The following PAWR variants were observed in gnomAD, a reference collection of about 807,000 sequenced individuals.
The protein encoded by PAWR is PRKC apoptosis WT1 regulator protein.
Under a neutral mutation model 32.0 loss-of-function variants are expected in PAWR, and 23 were observed. The ratio of observed to expected loss-of-function variants is 0.72; its 90% CI spans 0.52 to 1.02. The LOEUF is 1.02. PAWR is among the 50% of genes least tolerant of loss of function. PAWR has a pLI of 0.00. For synonymous variants in PAWR, 226 were observed against 187.1 expected, an observed-to-expected ratio of 1.21 and a Z score of -1.70; for missense variants, 457 against 437.7, an observed-to-expected ratio of 1.04 and a Z score of -0.39.
intron 2 of PAWR, among the ~76,000 whole-genome samples, chr12:79,625,738 CGA>C (rs962423204): frequency 6.7e-6 from 1 of 150,346 alleles, no homozygotes; most frequent in African/African-American, 2.4e-5. Flanking sequence ...GAGAATGTCG[CGA>C]ACGCGGGAGG....
intron 2 of PAWR, among the ~76,000 whole-genome samples, chr12:79,666,203 T>G (rs1218580730): frequency 2.6e-5 from 4 of 152,188 alleles, no homozygotes; most frequent in Non-Finnish European, 5.9e-5. Flanking sequence ...AAAAGTAGTC[T>G]TCTCATCTCT....
At chr12:79,615,525 C>T (rs912892509) in intron 3 of PAWR, among the ~76,000 whole-genome samples, 3 of 152,124 alleles carry the variant, frequency 2.0e-5, no homozygotes, top group Non-Finnish European at 2.9e-5. Context: ...TTTTAACCAT[C>T]CCTGAGCATC....
At chr12:79,603,653 G>A (rs1412613780) in intron 4 of PAWR, 2 of 150,382 alleles carry the variant, frequency 1.3e-5, no homozygotes, top group Non-Finnish European at 1.5e-5. Context: ...ATACATAAAC[G>A]GCATCATTAT....
intron 2 of PAWR, among the ~76,000 whole-genome samples, chr12:79,626,910 G>A (rs566859317): frequency 2.2e-4 from 33 of 152,230 alleles, no homozygotes; most frequent in African/African-American, 7.5e-4. Context: ...CCCTACAAAG[G>A]ACATGAACTC....
intron 4 of PAWR, among the ~76,000 whole-genome samples, chr12:79,613,171 G>A (rs1874519867): frequency 6.6e-6 from 1 of 152,178 alleles, no homozygotes; most frequent in African/African-American, 2.4e-5. Flanking sequence ...ACCAGAACCT[G>A]ACAATGGTGG....
chr12:79,604,444 C>T, intron 4 of PAWR: 3 of 1,033,440 alleles, frequency 2.9e-6, no homozygotes, highest in Non-Finnish European at 3.5e-6. Context: ...ATGAGATTGG[C>T]AGCATTAAGA....
chr12:79,638,296 T>A (rs763145311), intron 2 of PAWR, among the ~76,000 whole-genome samples: 32 of 152,298 alleles, frequency 2.1e-4, no homozygotes, highest in Middle Eastern at 3.4e-3. Flanking sequence ...ATTGGCTTTA[T>A]ATATTTATGT....
intron 2 of PAWR, among the ~76,000 whole-genome samples, chr12:79,663,867 A>T (rs1877467927): frequency 6.6e-6 from 1 of 152,222 alleles, no homozygotes; most frequent in Non-Finnish European, 1.5e-5. Context: ...ACATGTAGTG[A>T]TTTACTAACA....
chr12:79,626,995 G>C (rs1419689291), intron 2 of PAWR, among the ~76,000 whole-genome samples: 2 of 152,146 alleles, frequency 1.3e-5, no homozygotes, highest in Non-Finnish European at 2.9e-5. Flanking sequence ...ATCGTTGTTG[G>C]ATATTTAGGT....
At chr12:79,666,100 T>G (rs1270646781) in intron 2 of PAWR, among the ~76,000 whole-genome samples, 5 of 152,192 alleles carry the variant, frequency 3.3e-5, no homozygotes, top group East Asian at 1.9e-4. Context: ...AGATACAAAC[T>G]GCATCTTAAT....
Position 79,632,342 on chromosome 12 carries a change from TATATATATATATATATATA to T in PAWR, c.517-11154_517-11136del, listed in dbSNP as rs1566011056. On this transcript the variant is annotated intron_variant, in intron 2 of 6. Coordinates refer to ENST00000328827, the MANE Select transcript of PAWR (RefSeq NM_002583.4). Reference sequence around the variant, plus strand: ...ATATATATATATATATATATATATATATATATATATATATATATATTTTTTTTTTTTTTTAGACAGGGTC... The same window carrying T: ...ATATATATATATATATATATATATATTTTTTTTTTTTTTTTAGACAGGGTC... 6.8e-4 allele frequency among the ~76,000 whole-genome samples: 41 copies of T among 60,708 alleles called. 3 individuals carry two copies. Among genetic ancestry groups the T allele is most frequent in the African/African-American group, 5.9e-3 (30 of 5,058 alleles). The allele number at this position is 60,708 out of a possible 152,430, so 39.8% of individuals were successfully genotyped here.
In PAWR at chr12:79,630,317, T is replaced by A. The variant is rs78698622; in HGVS notation, c.517-9110A>T. On this transcript the variant is annotated intron_variant, in intron 2 of 6. Transcript: ENST00000328827. The stretch of plus-strand genomic sequence containing the variant: ...GTGCCACTAATATATATATATATAT[T>A]TTTTTTGAGACAGTCTCAGTCACCC... Among the ~76,000 whole-genome samples the A allele has an allele frequency of 1.4e-3, 143 of 103,766 alleles. 1 individual carries two copies. The highest frequency in any genetic ancestry group is 0.011 in the African/African-American group (44 of 3,874). The allele number at this position is 103,766 out of a possible 152,430, so 68.1% of individuals were successfully genotyped here.
rs1020970521 is a variant in PAWR, at chr12:79,594,580, A to G, written c.832-147T>C. ...CCCTTAAGACATTTGGTGAAGGAAC[A>G]AAGATCCCACCACAAAAGGAATCAG... On this transcript the variant is annotated intron_variant, in intron 5 of 6. Transcript: ENST00000328827. 8.7e-6 allele frequency: 5 copies of G among 572,440 alleles called. No individual in the cohort carries two copies. The African/African-American group carries it at 9.7e-5, about 11-fold the overall frequency. 35.5% of individuals were successfully genotyped at this position (572,440 alleles called of 1,614,324 possible).
intron 2 of PAWR, among the ~76,000 whole-genome samples, chr12:79,675,261 G>C (rs1202977346): frequency 6.6e-6 from 1 of 152,010 alleles, no homozygotes; most frequent in Non-Finnish European, 1.5e-5. Context: ...ACTTGTGTTC[G>C]CAGCTACTCG....
At chr12:79,606,027 T>C (rs1025852023) in intron 4 of PAWR, among the ~76,000 whole-genome samples, 2 of 151,982 alleles carry the variant, frequency 1.3e-5, no homozygotes, top group Non-Finnish European at 1.5e-5. Context: ...TGAGCCGAGA[T>C]TGCACCACTG....
chr12:79,687,018 A>G (rs1299894940), intron 2 of PAWR, among the ~76,000 whole-genome samples: 1 of 152,234 alleles, frequency 6.6e-6, no homozygotes, highest in Non-Finnish European at 1.5e-5. Context: ...TGATAAACAC[A>G]CACAAAAATT....
chr12:79,639,811 A>ATTCCATTCCTTTTCCTT (rs1555237783), intron 2 of PAWR, among the ~76,000 whole-genome samples: 2 of 133,788 alleles, frequency 1.5e-5, no homozygotes, highest in African/African-American at 7.7e-5. Context: ...TTTCCATTCC[A>ATTCCATTCCTTTTCCTT]TTCCTTTTCC....
chr12:79,663,495 T>C (rs752108638), intron 2 of PAWR, among the ~76,000 whole-genome samples: 5 of 151,726 alleles, frequency 3.3e-5, no homozygotes, highest in African/African-American at 4.9e-5. Flanking sequence ...TAAAAACTTA[T>C]TTGTTTTTAT....
At chr12:79,685,876 G>GATAT (rs1049277716) in intron 2 of PAWR, among the ~76,000 whole-genome samples, 2 of 152,074 alleles carry the variant, frequency 1.3e-5, no homozygotes, top group African/African-American at 4.8e-5. Context: ...CCTTTCCCTA[G>GATAT]ATATATACAT....
Sources: allele counts gnomAD v4.1 joint callset (sites outside exome capture counted in the v4.1 genomes callset), GRCh38; gene constraint gnomAD v4.1.1; transcripts MANE v1.5; gene names NCBI Gene and HGNC (gene_info 2026-07-23, HGNC 2026-07-21).